The following PSG11 variants were observed in gnomAD, a reference collection of about 807,000 sequenced individuals.
The protein encoded by PSG11 is pregnancy specific beta-1-glycoprotein 11.
A neutral mutation model predicts 36.0 loss-of-function variants in PSG11; 42 were observed. The observed-to-expected ratio is 1.17, with a 90% CI of 0.91 to 1.51. The LOEUF (loss-of-function observed/expected upper bound fraction) is 1.51. PSG11 is among the 40% of genes most tolerant of loss of function. PSG11 has a pLI of 0.00. For missense variants in PSG11, 558 were observed against 403.5 expected, an observed-to-expected ratio of 1.38 and a Z score of -3.28; for synonymous variants, 206 against 153.5, an observed-to-expected ratio of 1.34 and a Z score of -2.53.
intron 5 of PSG11, 142 bp downstream of exon 5, chr19:43,009,816 T>A: frequency 1.5e-6 from 1 of 661,426 alleles, no homozygotes; most frequent in Admixed American, 2.7e-5. Context: ...GAAAGGGAAC[T>A]GCAGGAATTA....
At chr19:43,021,556 T>C (rs1448034881) in intron 2 of PSG11, among the ~76,000 whole-genome samples, 1 of 151,436 alleles carries the variant, frequency 6.6e-6, no homozygotes, top group African/African-American at 2.4e-5. Context: ...TTTAACCATG[T>C]TAGCCAGGAT....
chr19:43,023,842 A>G (rs1251648724), intron 2 of PSG11, among the ~76,000 whole-genome samples: 1 of 151,528 alleles, frequency 6.6e-6, no homozygotes, highest in African/African-American at 2.4e-5. Context: ...CTGTGAATAA[A>G]TGTTAAATTA....
chr19:43,025,275 G>T lies in PSG11; in HGVS notation c.65-219C>A. 3 of 850,926 alleles carry T rather than the reference G, an allele frequency of 3.5e-6. No individual in the cohort carries two copies. In the South Asian group the frequency reaches 6.3e-5, roughly 18 times the overall value. The allele number at this position is 850,926 out of a possible 1,614,324, so 52.7% of individuals were successfully genotyped here. Reference sequence around the variant, plus strand: ...CTGTCCTACTAGGTCAAGGTCAGCAGCATGACCCCCATTCCTTCAACACTT... The same window carrying T: ...CTGTCCTACTAGGTCAAGGTCAGCATCATGACCCCCATTCCTTCAACACTT... On this transcript the variant is annotated intron_variant, in intron 1 of 5. Transcript: ENST00000320078.
At chr19:43,013,709 T>C (rs1966887551) in intron 4 of PSG11, among the ~76,000 whole-genome samples, 1 of 151,428 alleles carries the variant, frequency 6.6e-6, no homozygotes, top group Non-Finnish European at 1.5e-5. Context: ...TAAAAATTGG[T>C]GTGCTGTTTC....
At chr19:43,019,132 C>T (rs1967041801) in intron 2 of PSG11, 84 bp from the exon 3 acceptor site, 8 of 1,558,722 alleles carry the variant, frequency 5.1e-6, no homozygotes, top group South Asian at 1.2e-5. Context: ...TTGGCATTTG[C>T]CACCTCTCAG....
chr19:43,019,319 T>C lies in PSG11; in HGVS notation c.431-271A>G, dbSNP rs1267079158. 5.0e-5 allele frequency: 32 copies of C among 641,116 alleles called. 1 individual carries two copies. Among genetic ancestry groups the C allele is most frequent in the Admixed American group, 6.8e-5 (2 of 29,548 alleles). 39.7% of individuals were successfully genotyped at this position (641,116 alleles called of 1,614,324 possible). On this transcript the variant is annotated intron_variant, in intron 2 of 5. Transcript: ENST00000320078. Reference sequence around the variant, plus strand: ...TGGAAAGACACAGGACCAGCAGTCATAGCCCCTGGTGCCTCTCTGAGTCCC... The same window carrying C: ...TGGAAAGACACAGGACCAGCAGTCACAGCCCCTGGTGCCTCTCTGAGTCCC...
In PSG11 at chr19:43,024,652, C is replaced by A; in HGVS notation, c.430+39G>T. Reference sequence around the variant, plus strand: ...TGTGTGTGTGATGTAGAAGTGACCCCTGTCCCCCAACACCCAGGGATCATG... The same window carrying A: ...TGTGTGTGTGATGTAGAAGTGACCCATGTCCCCCAACACCCAGGGATCATG... On this transcript the variant is annotated intron_variant, in intron 2 of 5. Transcript: ENST00000320078. The A allele has an allele frequency of 1.9e-6, 3 of 1,609,374 alleles. No individual in the cohort carries two copies. In the South Asian group the frequency reaches 3.3e-5, roughly 18 times the overall value.
At chr19:43,012,187 A>G (rs1255042445) in intron 4 of PSG11, among the ~76,000 whole-genome samples, 1 of 151,474 alleles carries the variant, frequency 6.6e-6, no homozygotes, top group African/African-American at 2.4e-5. Context: ...CCCAATGCTA[A>G]CATCATACTC....
At position 43,008,144 on chromosome 19, in the gene PSG11, TA is replaced by T. The variant is rs1973977298; in HGVS notation, c.*41-103del. ...GACAAAGATTTAAAATGACTATGTT[TA>T]AAAATCTAATGAGAATTTATTATGG... On this transcript the variant is annotated intron_variant, in intron 5 of 5. Transcript: ENST00000320078. The T allele has an allele frequency of 1.3e-5, 4 of 306,292 alleles. No individual in the cohort carries two copies. In the East Asian group the frequency reaches 1.9e-4, roughly 15 times the overall value. 19.0% of individuals were successfully genotyped at this position (306,292 alleles called of 1,614,324 possible).
chr19:43,018,730 G>T (rs375544149), intron 3 of PSG11, 40 bp downstream of exon 3: 1 of 1,611,972 alleles, frequency 6.2e-7, no homozygotes, highest in South Asian at 1.1e-5. Context: ...TGTGTATTTG[G>T]GATGGCAGCC....
In PSG11 at chr19:43,018,845, C is replaced by A; in HGVS notation, c.634G>T (p.Ala212Ser). Residue 212 changes from alanine (A) to serine (S), a missense_variant, in exon 3 of 6, where the codon GCA (alanine) becomes TCA (serine). By Grantham distance (99) the Ala-to-Ser change is moderately conservative. Coordinates refer to ENST00000320078, the MANE Select transcript of PSG11 (RefSeq NM_002785.3). Reference protein sequence around the residue: ...LFLFGVTKYTAGPYECEIWNS... With the variant: ...LFLFGVTKYTSGPYECEIWNS... ...CATATTTCACATTCATAGGGTCCTG[C>A]AGTATACTTTGTGACACCAAATAGA... is the stretch of plus-strand genomic sequence containing the variant. 1 of 1,612,112 alleles carries A rather than the reference C, an allele frequency of 6.2e-7. No individual in the cohort carries two copies. Among genetic ancestry groups the A allele is most frequent in the Non-Finnish European group, 8.5e-7 (1 of 1,179,058 alleles).
chr19:43,019,974 G>T (rs1967063860), intron 2 of PSG11, among the ~76,000 whole-genome samples: 1 of 151,432 alleles, frequency 6.6e-6, no homozygotes, highest in South Asian at 2.1e-4. Flanking sequence ...AAGTCTTGCA[G>T]ATACTTTCTC....
At chr19:43,024,591 G>A in intron 2 of PSG11, 100 bp downstream of exon 2, 1 of 1,591,442 alleles carries the variant, frequency 6.3e-7, no homozygotes, top group East Asian at 2.2e-5. Flanking sequence ...ACATAATGCA[G>A]AGAGGGACAC....
intron 4 of PSG11, among the ~76,000 whole-genome samples, chr19:43,013,219 T>G (rs931293745): frequency 6.6e-6 from 1 of 151,444 alleles, no homozygotes. Flanking sequence ...ATTCCTTGGT[T>G]GTAACAACAA....
Position 43,021,651 on chromosome 19 carries a change from A to T in PSG11, c.431-2603T>A, listed in dbSNP as rs541266560. ...ATCAGCCACTGTGCCCAGCCATCTC[A>T]AAGGGATTTTAATGAGTTGTTGACT... is the stretch of plus-strand genomic sequence containing the variant. On this transcript the variant is annotated intron_variant, in intron 2 of 5. Coordinates refer to ENST00000320078, the MANE Select transcript of PSG11 (RefSeq NM_002785.3). Among the ~76,000 whole-genome samples, 194 of 151,572 alleles carry T rather than the reference A, an allele frequency of 1.3e-3. 2 individuals carry two copies. The highest frequency in any genetic ancestry group is 4.4e-3 in the African/African-American group (183 of 41,176).
chr19:43,012,829 G>T (rs1055908840), intron 4 of PSG11, among the ~76,000 whole-genome samples: 2 of 151,320 alleles, frequency 1.3e-5, no homozygotes, highest in Admixed American at 1.3e-4. Context: ...TAGACACACA[G>T]CTTTGAAGAG....
rs1424724527 is a variant in PSG11 at position 43,024,935 on chromosome 19, A to G, written c.186T>C (p.Leu62=). ...LLLVHNLPQN[L]TGYIWYKGQI... ...GCCCTTTGTACCAGATGTAGCCAGTAAGATTCTGGGGCAAATTGTGGACAA... is the reference window on the plus strand; with the variant it reads ...GCCCTTTGTACCAGATGTAGCCAGTGAGATTCTGGGGCAAATTGTGGACAA... Residue 62 remains leucine (L), a synonymous_variant, in exon 2 of 6, where the codon CTT becomes CTC. Transcript: ENST00000320078. The G allele has an allele frequency of 6.2e-7, 1 of 1,611,864 alleles. No homozygotes were observed. Among genetic ancestry groups the G allele is most frequent in the South Asian group, 1.1e-5 (1 of 90,814 alleles).
chr19:43,026,443 G>C lies in PSG11; in HGVS notation c.-71C>G. ...ATCCAGAAGCTTCCAGAGCACGGCTGTCAGCTGTGCTGTCCTTCCTCCTTC... is the reference window on the plus strand; with the variant it reads ...ATCCAGAAGCTTCCAGAGCACGGCTCTCAGCTGTGCTGTCCTTCCTCCTTC... On this transcript the variant is annotated 5_prime_UTR_variant, in exon 1 of 6. Transcript: ENST00000320078. 4.4e-6 allele frequency: 7 copies of C among 1,579,444 alleles called. 1 individual carries two copies. The highest frequency in any genetic ancestry group is 6.1e-6 in the Non-Finnish European group (7 of 1,156,938).
rs572417242 is a variant in PSG11 at position 43,018,618 on chromosome 19, G to C, written c.709+152C>G. 1.7e-4 allele frequency: 264 copies of C among 1,543,502 alleles called. 6 individuals are homozygous for C. The highest frequency in any genetic ancestry group is 1.0e-3 in the Middle Eastern group (5 of 4,828). ...ACTGTGGATCAAGCCTAGGCCTACT[G>C]TGGTTTGTCTGGGGCAGAAAGTCAT... On this transcript the variant is annotated intron_variant, in intron 3 of 5. Coordinates refer to ENST00000320078, the MANE Select transcript of PSG11 (RefSeq NM_002785.3).
Sources: gnomAD v4.1 joint callset for allele counts (sites outside exome capture counted in the v4.1 genomes callset) on GRCh38, gnomAD v4.1.1 for gene constraint, MANE v1.5 for transcripts, NCBI Gene and HGNC (gene_info 2026-07-23, HGNC 2026-07-21) for gene names.